The following ACER3 variants were observed in gnomAD, a reference collection of about 807,000 sequenced individuals.
The protein encoded by ACER3 is alkCDase 3.
In ACER3, 16 loss-of-function variants were observed where a neutral mutation model predicts 48.9. The observed-to-expected ratio is 0.33, with a 90% confidence interval of 0.22 to 0.50. The LOEUF (loss-of-function observed/expected upper bound fraction) is 0.50, where lower values mean the gene tolerates loss of function less well. Ranked by LOEUF, ACER3 falls within the 20% of genes least tolerant of loss-of-function variation. ACER3 has a pLI of 0.98. For missense variants in ACER3, 227 were observed against 326.0 expected, an observed-to-expected ratio of 0.70 and a Z score of 2.34; for synonymous variants, 109 against 107.8, an observed-to-expected ratio of 1.01 and a Z score of -0.07.
chr11:76,913,957 C>T (rs1165138286), intron 1 of ACER3, among the ~76,000 whole-genome samples: 1 of 152,104 alleles, frequency 6.6e-6, no homozygotes, highest in African/African-American at 2.4e-5. Context: ...GAAAGGATTC[C>T]CTATTTAATA....
In ACER3 at chr11:77,025,740, G is replaced by T. The variant is rs1275424347; in HGVS notation, c.*5413G>T. The stretch of plus-strand genomic sequence containing the variant: ...ATTTTAAAAACGTTTAGAGAAAGAA[G>T]AATATGCAACAGAAACTGTATGTAG... On this transcript the variant is annotated 3_prime_UTR_variant, in exon 11 of 11. Transcript: ENST00000532485. The T allele has an allele frequency of 6.6e-6, 1 of 152,168 alleles. No homozygotes were observed. The highest frequency in any genetic ancestry group is 1.5e-5 in the Non-Finnish European group (1 of 68,042). The allele number at this position is 152,168 out of a possible 1,614,324, so 9.4% of individuals were successfully genotyped here.
intron 1 of ACER3, among the ~76,000 whole-genome samples, chr11:76,917,982 T>C (rs1176007560): frequency 1.3e-5 from 2 of 152,208 alleles, no homozygotes; most frequent in Non-Finnish European, 2.9e-5. Flanking sequence ...ATCTTCTTAC[T>C]GAAACCCATC....
chr11:76,936,766 A>G (rs1010429960), intron 2 of ACER3, among the ~76,000 whole-genome samples: 11 of 148,252 alleles, frequency 7.4e-5, no homozygotes, highest in Non-Finnish European at 1.2e-4. Flanking sequence ...CGCCCAGGCT[A>G]CAGTGCAGTG....
chr11:76,902,584 G>C (rs1010554884), intron 1 of ACER3, among the ~76,000 whole-genome samples: 2 of 152,138 alleles, frequency 1.3e-5, no homozygotes, highest in Admixed American at 6.5e-5. Context: ...ACCTTTTCTT[G>C]TTATGTAATG....
intron 7 of ACER3, among the ~76,000 whole-genome samples, chr11:76,999,766 T>G (rs1220263053): frequency 6.6e-6 from 1 of 152,194 alleles, no homozygotes; most frequent in Non-Finnish European, 1.5e-5. Context: ...AGCATAATTA[T>G]CCAAGTTGTT....
At chr11:76,872,557 T>C (rs747319314) in intron 1 of ACER3, among the ~76,000 whole-genome samples, 20 of 152,346 alleles carry the variant, frequency 1.3e-4, no homozygotes, top group South Asian at 4.1e-4. Flanking sequence ...TAAGATTACA[T>C]TGAAAATTAG....
chr11:76,908,698 A>G (rs10899308), intron 1 of ACER3, among the ~76,000 whole-genome samples: 90,290 of 152,028 alleles, frequency 0.59, 29,060 homozygotes, highest in Non-Finnish European at 0.74. Context: ...ATTCAATGCT[A>G]TTCCCATCAA....
chr11:76,884,549 G>A (rs752944320), intron 1 of ACER3, among the ~76,000 whole-genome samples: 4 of 152,118 alleles, frequency 2.6e-5, no homozygotes, highest in Non-Finnish European at 2.9e-5. Flanking sequence ...TAACTCTGCT[G>A]ATTTGTACAG....
intron 1 of ACER3, among the ~76,000 whole-genome samples, chr11:76,915,217 T>TA (rs962882788): frequency 3.1e-4 from 45 of 146,042 alleles, no homozygotes; most frequent in Admixed American, 8.2e-4. Flanking sequence ...ATAAATAAGT[T>TA]AAAAAAAAAA....
At chr11:76,888,321 TC>T (rs893037575) in intron 1 of ACER3, among the ~76,000 whole-genome samples, 2 of 152,214 alleles carry the variant, frequency 1.3e-5, no homozygotes, top group African/African-American at 4.8e-5. Flanking sequence ...TTGAATGTAT[TC>T]CTTAAAATCT....
At chr11:76,906,170 C>A (rs948919597) in intron 1 of ACER3, among the ~76,000 whole-genome samples, 2 of 152,142 alleles carry the variant, frequency 1.3e-5, no homozygotes, top group African/African-American at 4.8e-5. Flanking sequence ...ATAACTGATC[C>A]CCTGCTTGTT....
intron 1 of ACER3, among the ~76,000 whole-genome samples, chr11:76,869,289 G>A (rs1162039863): frequency 6.6e-6 from 1 of 152,210 alleles, no homozygotes; most frequent in African/African-American, 2.4e-5. Flanking sequence ...TGATTGTTGG[G>A]TTGTGAGAAC....
chr11:76,949,293 G>A lies in ACER3; in HGVS notation c.215-9686G>A, dbSNP rs1947568701. On this transcript the variant is annotated intron_variant, in intron 2 of 10. Transcript: ENST00000532485. ...TTCCAATTTCATTTCTATTTTAATT[G>A]TATCTGTCTTCACTTTGGACATGAC... Among the ~76,000 whole-genome samples the A allele has an allele frequency of 2.0e-5, 3 of 152,076 alleles. 1 individual carries two copies. In the South Asian group the frequency reaches 6.2e-4, roughly 32 times the overall value.
At chr11:76,968,913 CA>C (rs1251088912) in intron 3 of ACER3, among the ~76,000 whole-genome samples, 1 of 152,098 alleles carries the variant, frequency 6.6e-6, no homozygotes, top group Non-Finnish European at 1.5e-5. Context: ...ACACCAAAAG[CA>C]ATGGCAACAA....
chr11:76,910,234 G>T (rs763914540), intron 1 of ACER3, among the ~76,000 whole-genome samples: 2 of 151,942 alleles, frequency 1.3e-5, no homozygotes, highest in Non-Finnish European at 2.9e-5. Context: ...TAACAAACCT[G>T]CACGTTCTGC....
At chr11:76,949,080 G>GTA (rs35257188) in intron 2 of ACER3, among the ~76,000 whole-genome samples, 86,598 of 151,788 alleles carry the variant, frequency 0.57, 27,888 homozygotes, top group Non-Finnish European at 0.74. Flanking sequence ...AAATAAATGT[G>GTA]TATCGGAGCA....
intron 1 of ACER3, among the ~76,000 whole-genome samples, chr11:76,903,902 A>G (rs1169252050): frequency 6.6e-6 from 1 of 152,152 alleles, no homozygotes; most frequent in African/African-American, 2.4e-5. Context: ...TTTACTATCT[A>G]TTATTCTCTC....
chr11:76,991,847 GAC>G (rs1948811132), intron 6 of ACER3, among the ~76,000 whole-genome samples: 1 of 145,384 alleles, frequency 6.9e-6, no homozygotes, highest in African/African-American at 2.5e-5. Context: ...GAAAAGAAAA[GAC>G]ATCCTCACTT....
intron 1 of ACER3, among the ~76,000 whole-genome samples, chr11:76,914,809 A>G (rs1404946220): frequency 6.6e-6 from 1 of 152,236 alleles, no homozygotes; most frequent in Non-Finnish European, 1.5e-5. Flanking sequence ...ATGTCCATCA[A>G]TGATAGAATG....
Sources: gnomAD v4.1 joint callset for allele counts (sites outside exome capture counted in the v4.1 genomes callset) on GRCh38, gnomAD v4.1.1 for gene constraint, MANE v1.5 for transcripts, NCBI Gene and HGNC (gene_info 2026-07-23, HGNC 2026-07-21) for gene names.